MSI1: variants seen among roughly 807,000 people sequenced by gnomAD.
MSI1 encodes the protein RNA-binding protein Musashi homolog 1.
In MSI1, 15 loss-of-function variants were observed where a neutral mutation model predicts 54.4. The ratio of observed to expected loss-of-function variants is 0.28; its 90% CI spans 0.18 to 0.42. The LOEUF (loss-of-function observed/expected upper bound fraction) is 0.42. Ranked by LOEUF, MSI1 falls within the 20% of genes least tolerant of loss-of-function variation. The pLI is 1.00. For synonymous variants in MSI1, 200 were observed against 196.5 expected (o/e 1.02, Z -0.15); for missense variants, 304 against 506.0 (o/e 0.60, Z 3.83).
chr12:120,355,127 C>G (rs1009589513), intron 9 of MSI1, among the ~76,000 whole-genome samples: 22 of 151,210 alleles, frequency 1.5e-4, no homozygotes, highest in Non-Finnish European at 2.9e-4. Context: ...GTATCAAGGC[C>G]GGGCGCGGTG....
Position 120,356,977 on chromosome 12 carries a change from T to C in MSI1, c.577A>G (p.Thr193Ala), listed in dbSNP as rs780777611. Reference protein sequence around the residue: ...KAQPKEVMSPTGSARGRSRVM... With the variant: ...KAQPKEVMSPAGSARGRSRVM... ...CGAGACCTCCCCCGGGCTGAGCCCG[T>C]TGGCGACATCACCTCCTTTGGCTGA... The change falls in exon 9 of 15, where the codon ACG becomes GCG. Residue 193 changes from threonine (T) to alanine (A), a missense_variant. This residue lies in a region of MSI1 where 22 missense variants were observed against 19.6 expected (regional missense o/e 1.12). Transcript: ENST00000257552. 4 of 1,614,262 alleles carry C rather than the reference T, an allele frequency of 2.5e-6. No individual in the cohort carries two copies. Among genetic ancestry groups the C allele is most frequent in the South Asian group, 2.2e-5 (2 of 91,092 alleles).
intron 11 of MSI1, among the ~76,000 whole-genome samples, chr12:120,348,087 C>G (rs1355852766): frequency 6.6e-6 from 1 of 151,998 alleles, no homozygotes; most frequent in East Asian, 1.9e-4. Context: ...CCCCTCGCCC[C>G]TGTCTCCTGA....
chr12:120,358,897 T>C (rs1875383546), intron 7 of MSI1, 108 bp downstream of exon 7: 1 of 1,294,304 alleles, frequency 7.7e-7, no homozygotes, highest in South Asian at 1.3e-5. Flanking sequence ...AGGACGCAGA[T>C]CCTGGGGGAT....
At chr12:120,360,340 G>A (rs879914721) in intron 6 of MSI1, among the ~76,000 whole-genome samples, 5 of 152,228 alleles carry the variant, frequency 3.3e-5, no homozygotes, top group African/African-American at 4.8e-5. Context: ...CTGAACTACC[G>A]TGATCCTCCA....
intron 7 of MSI1, 49 bp downstream of exon 7, chr12:120,358,956 T>C (rs924488590): frequency 1.9e-6 from 3 of 1,552,770 alleles, no homozygotes; most frequent in East Asian, 2.4e-5. Flanking sequence ...TGCAGCCCCC[T>C]GGCTGACCAC....
intron 4 of MSI1, among the ~76,000 whole-genome samples, chr12:120,365,220 T>C (rs1196599744): frequency 6.6e-6 from 1 of 152,144 alleles, no homozygotes; most frequent in Non-Finnish European, 1.5e-5. Flanking sequence ...CAGTTAAGCA[T>C]TTAGACCCTA....
rs775382960 is a variant in MSI1 at position 120,356,791 on chromosome 12, C to T, written c.652+111G>A. On this transcript the variant is annotated intron_variant, in intron 9 of 14. Coordinates refer to ENST00000257552, the MANE Select transcript of MSI1 (RefSeq NM_002442.4). ...CCTTGTCCCCACTCCTGCTCAATGA[C>T]TCAGACAGGAGGAGGGCAGACCACA... The T allele has an allele frequency of 1.5e-4, 142 of 952,000 alleles. No individual in the cohort carries two copies. In the African/African-American group the frequency reaches 1.7e-3, roughly 12 times the overall value. 59.0% of individuals were successfully genotyped at this position (952,000 alleles called of 1,614,324 possible).
intron 14 of MSI1, among the ~76,000 whole-genome samples, chr12:120,343,757 T>C (rs1328640418): frequency 6.6e-6 from 1 of 152,178 alleles, no homozygotes; most frequent in Non-Finnish European, 1.5e-5. Context: ...GGCTCATAAA[T>C]GAATGGGTGA....
At chr12:120,364,580 C>T (rs1204809714) in intron 5 of MSI1, 134 bp downstream of exon 5, 2 of 831,776 alleles carry the variant, frequency 2.4e-6, no homozygotes, top group African/African-American at 1.8e-5. Context: ...ATCCCCTCTT[C>T]CCAGCCCAGC....
At chr12:120,345,100 C>G (rs565123745) in intron 14 of MSI1, among the ~76,000 whole-genome samples, 82 of 152,130 alleles carry the variant, frequency 5.4e-4, no homozygotes, top group African/African-American at 1.9e-3. Flanking sequence ...ACCTGTAATC[C>G]CAGCACTTTG....
intron 14 of MSI1, 62 bp downstream of exon 14, chr12:120,345,508 C>T (rs1288415691): frequency 3.4e-6 from 5 of 1,480,772 alleles, no homozygotes; most frequent in African/African-American, 1.4e-5. Flanking sequence ...GTCCCAGATT[C>T]GATGGCCCAG....
intron 13 of MSI1, 88 bp downstream of exon 13, chr12:120,346,047 G>C: frequency 8.2e-7 from 1 of 1,216,432 alleles, no homozygotes; most frequent in East Asian, 2.6e-5. Flanking sequence ...TTTGCCCCCA[G>C]AGACAAAGAA....
chr12:120,360,824 CT>C (rs5801379), intron 6 of MSI1, among the ~76,000 whole-genome samples: 104,333 of 146,058 alleles, frequency 0.71, 37,024 homozygotes, highest in South Asian at 0.78. Flanking sequence ...TGAAAGACAC[CT>C]TTTTTTTTTT....
chr12:120,352,409 G>A (rs989998338), intron 10 of MSI1, among the ~76,000 whole-genome samples: 1 of 152,116 alleles, frequency 6.6e-6, no homozygotes, highest in Admixed American at 6.5e-5. Flanking sequence ...AAGGCAGCCT[G>A]ATGAAAAGCG....
At chr12:120,356,232 C>A (rs1279522893) in intron 9 of MSI1, among the ~76,000 whole-genome samples, 3 of 152,148 alleles carry the variant, frequency 2.0e-5, no homozygotes, top group African/African-American at 7.2e-5. Flanking sequence ...AGAAGTTGCT[C>A]AATAAATATT....
chr12:120,346,416 C>T, intron 12 of MSI1, 94 bp from the exon 13 acceptor site: 1 of 1,273,250 alleles, frequency 7.9e-7, no homozygotes, highest in African/African-American at 1.5e-5. Flanking sequence ...TAACCTGGAC[C>T]CCCACATTTC....
intron 6 of MSI1, chr12:120,361,528 C>G (rs534676021): frequency 1.4e-4 from 22 of 152,076 alleles, no homozygotes; most frequent in African/African-American, 5.3e-4. Context: ...AGGGAGGCTC[C>G]CGGCCCAGTG....
intron 14 of MSI1, 77 bp downstream of exon 14, chr12:120,345,493 T>A: frequency 7.7e-7 from 1 of 1,303,666 alleles, no homozygotes. Flanking sequence ...AGGGATGGGG[T>A]CTGTGTCCCA....
At chr12:120,367,354 G>A (rs1261196863) in intron 4 of MSI1, among the ~76,000 whole-genome samples, 1 of 152,212 alleles carries the variant, frequency 6.6e-6, no homozygotes, top group African/African-American at 2.4e-5. Context: ...ACACGAAGGA[G>A]CTGTGGGACA....
Sources: allele counts gnomAD v4.1 joint callset (sites outside exome capture counted in the v4.1 genomes callset), GRCh38; gene constraint gnomAD v4.1.1; regional missense constraint gnomAD v4.1.1; transcripts MANE v1.5; gene names NCBI Gene and HGNC (gene_info 2026-07-23, HGNC 2026-07-21).